The following HEXB variants were observed in gnomAD, a reference collection of about 807,000 sequenced individuals.
HEXB encodes beta-hexosaminidase subunit beta.
HEXB carries 51 observed loss-of-function variants against 71.2 expected under a neutral mutation model. That is an observed-to-expected ratio of 0.72 (90% CI 0.57 to 0.90). The LOEUF (loss-of-function observed/expected upper bound fraction) is 0.90. Ranked by LOEUF, HEXB falls within the 40% of genes least tolerant of loss-of-function variation. The probability of loss-of-function intolerance (pLI) is 0.00; values close to 1 mark genes in which losing one functional copy is unlikely to be tolerated. For synonymous variants in HEXB, 266 were observed against 249.3 expected (o/e 1.07, Z -0.63); for missense variants, 617 against 677.0 (o/e 0.91, Z 0.98).
At chr5:74,719,269 C>G (rs915103235) in intron 11 of HEXB, among the ~76,000 whole-genome samples, 7 of 152,186 alleles carry the variant, frequency 4.6e-5, no homozygotes, top group Admixed American at 3.9e-4. Flanking sequence ...GCTCCTCACT[C>G]TCTACATTCT....
Position 74,720,408 on chromosome 5 carries a change from A to C in HEXB, c.1418-20A>C, listed in dbSNP as rs1383207466. Reference sequence around the variant, plus strand: ...TATAAGCTTTGAACTTCTGAACTTAATTCAATGATTTTAATTTAGGTACTC... The same window carrying C: ...TATAAGCTTTGAACTTCTGAACTTACTTCAATGATTTTAATTTAGGTACTC... On this transcript the variant is annotated intron_variant, in intron 11 of 13. Transcript: ENST00000261416. The C allele has an allele frequency of 1.3e-6, 2 of 1,523,366 alleles. No individual in the cohort carries two copies. The highest frequency in any genetic ancestry group is 3.3e-5 in the Admixed American group (2 of 59,914). The allele number at this position is 1,523,366 out of a possible 1,614,324, so 94.4% of individuals were successfully genotyped here.
intron 6 of HEXB, among the ~76,000 whole-genome samples, chr5:74,708,357 C>T (rs942067331): frequency 2.2e-4 from 33 of 151,660 alleles, no homozygotes; most frequent in African/African-American, 5.6e-4. Flanking sequence ...TAAAGACCAT[C>T]GAGACTAGGA....
chr5:74,718,502 A>AAGT, intron 10 of HEXB, 139 bp downstream of exon 10: 2 of 771,072 alleles, frequency 2.6e-6, no homozygotes, highest in Non-Finnish European at 4.6e-6. Flanking sequence ...CATAGTTCCA[A>AAGT]GCTAGGTTTG....
intron 1 of HEXB, among the ~76,000 whole-genome samples, chr5:74,655,186 G>A (rs1235588114): frequency 6.6e-6 from 1 of 152,132 alleles, no homozygotes; most frequent in Non-Finnish European, 1.5e-5. Flanking sequence ...TTAAGAAAGG[G>A]ATAGAAAATG....
chr5:74,654,769 C>G (rs183757358), intron 1 of HEXB, among the ~76,000 whole-genome samples: 2 of 152,280 alleles, frequency 1.3e-5, no homozygotes, highest in Admixed American at 1.3e-4. Context: ...AACACTCTGG[C>G]TGCCATGTGG....
chr5:74,718,772 G>A (rs1247899409), intron 10 of HEXB, 25 bp from the exon 11 acceptor site: 1 of 1,608,860 alleles, frequency 6.2e-7, no homozygotes, highest in Non-Finnish European at 8.5e-7. Flanking sequence ...CTAATAATAT[G>A]TATTGCAATT....
At chr5:74,713,669 T>A (rs776217690) in intron 7 of HEXB, 34 bp downstream of exon 7, 1 of 1,573,692 alleles carries the variant, frequency 6.4e-7, no homozygotes, top group South Asian at 1.1e-5. Flanking sequence ...TTTTATCTTA[T>A]TTTTTATTTT....
At chr5:74,683,849 T>C (rs188500400), upstream of HEXB, among the ~76,000 whole-genome samples, 102 of 150,774 alleles carry the variant, frequency 6.8e-4, 1 homozygote, top group Admixed American at 2.6e-3. Flanking sequence ...AGATGGAGTC[T>C]TGTTCTTGTT....
intron 13 of HEXB, 65 bp from the exon 14 acceptor site, chr5:74,721,043 TATCAATCTAA>T: frequency 8.4e-7 from 1 of 1,188,096 alleles, no homozygotes. Context: ...ATGACATGAA[TATCAATCTAA>T]AATATCTTTA....
chr5:74,664,582 C>A (rs1748400670), intron 1 of HEXB, among the ~76,000 whole-genome samples: 1 of 150,550 alleles, frequency 6.6e-6, no homozygotes, highest in Admixed American at 6.6e-5. Flanking sequence ...TAAAAATGAA[C>A]TATAAAAAAA....
At chr5:74,644,739 G>A (rs1307944065) in intron 1 of HEXB, among the ~76,000 whole-genome samples, 1 of 145,584 alleles carries the variant, frequency 6.9e-6, no homozygotes, top group African/African-American at 2.5e-5. Context: ...GATAAACCTT[G>A]AGAGTATTCT....
chr5:74,715,908 T>C (rs530384609), intron 8 of HEXB, among the ~76,000 whole-genome samples: 1 of 150,498 alleles, frequency 6.6e-6, no homozygotes, highest in African/African-American at 2.4e-5. Context: ...TCCCAGCTCC[T>C]TGGGAGGCTG....
At chr5:74,714,859 A>T (rs1227711449) in intron 7 of HEXB, among the ~76,000 whole-genome samples, 1 of 152,224 alleles carries the variant, frequency 6.6e-6, no homozygotes, top group African/African-American at 2.4e-5. Flanking sequence ...TGTGAACTTC[A>T]TCAGGACACA....
intron 1 of HEXB, among the ~76,000 whole-genome samples, chr5:74,666,957 T>C (rs1464472519): frequency 3.9e-5 from 6 of 152,180 alleles, no homozygotes; most frequent in Admixed American, 2.6e-4. Context: ...GAATTTAGTT[T>C]TTCTATGTTG....
At chr5:74,717,136 G>T (rs943866867) in intron 9 of HEXB, among the ~76,000 whole-genome samples, 1 of 152,098 alleles carries the variant, frequency 6.6e-6, no homozygotes. Flanking sequence ...AGCTAAGATC[G>T]CACCACTGCA....
intron 1 of HEXB, among the ~76,000 whole-genome samples, chr5:74,653,860 G>A (rs1748168279): frequency 1.3e-5 from 2 of 152,070 alleles, no homozygotes; most frequent in African/African-American, 4.8e-5. Context: ...TGGTTATAGA[G>A]GTCGATAGGT....
chr5:74,699,552 G>A (rs75198543), intron 5 of HEXB, among the ~76,000 whole-genome samples: 3,416 of 152,234 alleles, frequency 0.022, 123 homozygotes, highest in African/African-American at 0.078. Context: ...TGGGATTACA[G>A]ATGTGAGCCA....
intron 2 of HEXB, among the ~76,000 whole-genome samples, chr5:74,690,822 A>G (rs1458372745): frequency 6.6e-6 from 1 of 152,120 alleles, no homozygotes; most frequent in Non-Finnish European, 1.5e-5. Context: ...TCTCTTTGAA[A>G]AAAAGCTTTC....
At chr5:74,691,319 AG>A (rs1159222434) in intron 2 of HEXB, among the ~76,000 whole-genome samples, 45 of 152,360 alleles carry the variant, frequency 3.0e-4, no homozygotes, top group Middle Eastern at 3.4e-3. Context: ...GCATGCCCTG[AG>A]AAGTGGACTA....
Sources: gnomAD v4.1 joint callset for allele counts (sites outside exome capture counted in the v4.1 genomes callset) on GRCh38, gnomAD v4.1.1 for gene constraint, MANE v1.5 for transcripts, NCBI Gene and HGNC (gene_info 2026-07-23, HGNC 2026-07-21) for gene names.